Variants in PRKD1 observed in about 807,000 individuals in gnomAD.
The protein encoded by PRKD1 is protein kinase D1.
In PRKD1, 63 loss-of-function variants were observed where a neutral mutation model predicts 95.9. The ratio of observed to expected loss-of-function variants is 0.66; its 90% CI spans 0.54 to 0.81. The LOEUF (loss-of-function observed/expected upper bound fraction) is 0.81, where lower values mean the gene tolerates loss of function less well. Among genes scored for constraint, PRKD1 ranks in the 30% least tolerant of loss-of-function variants. The probability of loss-of-function intolerance (pLI) is 0.00; values close to 1 mark genes in which losing one functional copy is unlikely to be tolerated. For synonymous variants in PRKD1, 425 were observed against 423.1 expected (o/e 1.00, Z -0.05); for missense variants, 1,048 against 1,165.3 (o/e 0.90, Z 1.47).
chr14:29,812,547 G>A (rs139893405), intron 1 of PRKD1, among the ~76,000 whole-genome samples: 1 of 152,284 alleles, frequency 6.6e-6, no homozygotes, highest in Non-Finnish European at 1.5e-5. Context: ...GGAGGCCTCA[G>A]GAAACCTACA....
chr14:29,747,490 C>G (rs568415801), intron 1 of PRKD1, among the ~76,000 whole-genome samples: 2 of 152,088 alleles, frequency 1.3e-5, no homozygotes, highest in African/African-American at 2.4e-5. Flanking sequence ...AAAACAAATA[C>G]TGCACACACA....
intron 1 of PRKD1, among the ~76,000 whole-genome samples, chr14:29,907,672 C>T (rs1193955989): frequency 6.6e-6 from 1 of 152,130 alleles, no homozygotes; most frequent in Non-Finnish European, 1.5e-5. Flanking sequence ...AATAAGCAAG[C>T]AACTGTTTCT....
intron 1 of PRKD1, among the ~76,000 whole-genome samples, chr14:29,781,913 T>C (rs1381035106): frequency 6.6e-6 from 1 of 152,214 alleles, no homozygotes; most frequent in Non-Finnish European, 1.5e-5. Context: ...TACAATTCAA[T>C]CTGCTGCCAC....
intron 1 of PRKD1, among the ~76,000 whole-genome samples, chr14:29,916,338 TC>T (rs1420423814): frequency 2.0e-5 from 3 of 152,190 alleles, no homozygotes; most frequent in Admixed American, 1.3e-4. Context: ...CGTGGCCATT[TC>T]TTCTGGCTCT....
chr14:29,845,258 T>C (rs918868471), intron 1 of PRKD1, among the ~76,000 whole-genome samples: 5 of 152,148 alleles, frequency 3.3e-5, no homozygotes, highest in South Asian at 2.1e-4. Context: ...ATGCTTAAAG[T>C]TAAATTAAAA....
intron 1 of PRKD1, among the ~76,000 whole-genome samples, chr14:29,797,301 G>A (rs1411503114): frequency 7.2e-5 from 11 of 152,122 alleles, no homozygotes; most frequent in East Asian, 1.9e-4. Flanking sequence ...GTTTGTAAGC[G>A]ATGGATTAAA....
chr14:29,593,852 A>G (rs958248970), intron 16 of PRKD1, among the ~76,000 whole-genome samples: 1 of 152,238 alleles, frequency 6.6e-6, no homozygotes, highest in African/African-American at 2.4e-5. Flanking sequence ...TATATGCAGA[A>G]TGCCAGCACT....
intron 1 of PRKD1, among the ~76,000 whole-genome samples, chr14:29,926,978 T>C (rs975551019): frequency 3.3e-5 from 5 of 151,446 alleles, no homozygotes; most frequent in African/African-American, 4.9e-5. Context: ...GGAAATGTCA[T>C]GAGAAGGATG....
intron 1 of PRKD1, among the ~76,000 whole-genome samples, chr14:29,744,310 G>C (rs561359126): frequency 1.5e-3 from 221 of 152,182 alleles, no homozygotes; most frequent in African/African-American, 4.8e-3. Context: ...TAGAAACCCT[G>C]GATTTATCTT....
rs548591585 is a variant in PRKD1, at chr14:29,695,542, T to C, written c.404-29334A>G. 3.9e-5 allele frequency among the ~76,000 whole-genome samples: 6 copies of C among 152,292 alleles called. 1 individual carries two copies. In the South Asian group the frequency reaches 1.0e-3, roughly 26 times the overall value. On this transcript the variant is annotated intron_variant, in intron 2 of 17. Transcript: ENST00000331968. ...GAAAGCAAAGATGACTCCAAAGCTG[T>C]AGATCGAGCAACAGAAAGCATGAAT... is the stretch of plus-strand genomic sequence containing the variant.
intron 1 of PRKD1, among the ~76,000 whole-genome samples, chr14:29,850,465 CACACACACACACACATAT>C (rs1191788819): frequency 1.3e-5 from 2 of 151,446 alleles, no homozygotes; most frequent in Non-Finnish European, 3.0e-5. Context: ...CACACACACA[CACACACACACACACATAT>C]ACACACACAC....
intron 1 of PRKD1, among the ~76,000 whole-genome samples, chr14:29,893,954 T>A (rs1039386997): frequency 1.3e-5 from 2 of 152,200 alleles, no homozygotes; most frequent in Non-Finnish European, 2.9e-5. Flanking sequence ...TACCTGCATA[T>A]CTTTGACCTC....
At chr14:29,647,736 G>A (rs1881220511) in intron 4 of PRKD1, among the ~76,000 whole-genome samples, 1 of 152,174 alleles carries the variant, frequency 6.6e-6, no homozygotes, top group African/African-American at 2.4e-5. Flanking sequence ...TGGCCCATAA[G>A]GATAACTTTA....
intron 1 of PRKD1, among the ~76,000 whole-genome samples, chr14:29,773,459 C>CAA (rs397798361): frequency 0.029 from 2,523 of 86,696 alleles, 48 homozygotes; most frequent in African/African-American, 0.056. Context: ...GGCTCTGTCT[C>CAA]AAAAAAAAAA....
At chr14:29,796,396 C>T (rs1889817240) in intron 1 of PRKD1, among the ~76,000 whole-genome samples, 1 of 152,040 alleles carries the variant, frequency 6.6e-6, no homozygotes, top group Non-Finnish European at 1.5e-5. Flanking sequence ...CAAAACTTGT[C>T]TATTAAAATT....
chr14:29,789,511 T>G (rs1889438000), intron 1 of PRKD1, among the ~76,000 whole-genome samples: 1 of 152,292 alleles, frequency 6.6e-6, no homozygotes, highest in South Asian at 2.1e-4. Context: ...TCTATCAGCA[T>G]TAGTGGTGTC....
At chr14:29,864,765 G>A (rs1445226524) in intron 1 of PRKD1, among the ~76,000 whole-genome samples, 1 of 152,082 alleles carries the variant, frequency 6.6e-6, no homozygotes, top group Non-Finnish European at 1.5e-5. Context: ...AGATTGAGGA[G>A]GGCAGGGAAA....
At chr14:29,603,960 T>C (rs548589999) in intron 13 of PRKD1, among the ~76,000 whole-genome samples, 1 of 152,200 alleles carries the variant, frequency 6.6e-6, no homozygotes, top group African/African-American at 2.4e-5. Context: ...ACGGGGTGAA[T>C]ATAAGTTGTT....
chr14:29,663,951 C>G (rs1469423128), intron 3 of PRKD1, 92 bp from the exon 4 acceptor site: 11 of 1,248,130 alleles, frequency 8.8e-6, no homozygotes, highest in South Asian at 1.5e-5. Flanking sequence ...AAAAATAGTA[C>G]AGCTTCCATT....
Sources: allele counts gnomAD v4.1 joint callset (sites outside exome capture counted in the v4.1 genomes callset), GRCh38; gene constraint gnomAD v4.1.1; transcripts MANE v1.5; gene names NCBI Gene and HGNC (gene_info 2026-07-23, HGNC 2026-07-21).